The following PRKACG variants were observed in gnomAD, a reference collection of about 807,000 sequenced individuals.
The protein encoded by PRKACG is protein kinase cAMP-activated catalytic subunit gamma.
Under a neutral mutation model 25.6 loss-of-function variants are expected in PRKACG, and 24 were observed. The ratio of observed to expected loss-of-function variants is 0.94; its 90% CI spans 0.68 to 1.32. The LOEUF (loss-of-function observed/expected upper bound fraction) is 1.32. Ranked by LOEUF, PRKACG falls within the 40% of genes most tolerant of loss-of-function variation. PRKACG has a pLI of 0.00. For synonymous variants in PRKACG, 202 were observed against 195.9 expected (o/e 1.03, Z -0.26); for missense variants, 481 against 462.9 (o/e 1.04, Z -0.36).
chr9:69,013,133 T>A lies in PRKACG; in HGVS notation c.960A>T (p.Thr320=). 6.2e-7 allele frequency: 1 copy of A among 1,614,168 alleles called. No homozygotes were observed. Among genetic ancestry groups the A allele is most frequent in the Non-Finnish European group, 8.5e-7 (1 of 1,180,030 alleles). The change falls in exon 1 of 1, where the codon ACA becomes ACT. Residue 320 remains threonine (T), a synonymous_variant. Coordinates refer to ENST00000377276, the MANE Select transcript of PRKACG (RefSeq NM_002732.4). ...CAAAGTTACTGGCATCCCCAGGGCC[T>A]GTGTACTTCGGGATGAAGGGAGCTT... ...KVEAPFIPKY[T]GPGDASNFDD... is the part of the protein sequence containing the mutation.
chr9:69,013,126 C>T lies in PRKACG; in HGVS notation c.967G>A (p.Gly323Arg), dbSNP rs1831291589. The change falls in exon 1 of 1, where the codon GGG becomes AGG. Residue 323 changes from glycine to arginine, a missense_variant. Transcript: ENST00000377276. ...TAGTCGTCAAAGTTACTGGCATCCC[C>T]AGGGCCTGTGTACTTCGGGATGAAG... ...APFIPKYTGP[G>R]DASNFDDYEE... is the part of the protein sequence containing the mutation. 6.2e-7 allele frequency: 1 copy of T among 1,614,050 alleles called. No individual in the cohort carries two copies. The highest frequency in any genetic ancestry group is 8.5e-7 in the Non-Finnish European group (1 of 1,180,052).
rs1436665815 is a variant in PRKACG, at chr9:69,013,623, T to C, written c.470A>G (p.Tyr157Cys). 1.2e-5 allele frequency: 20 copies of C among 1,613,200 alleles called. No individual in the cohort carries two copies. In the Admixed American group the frequency reaches 1.7e-4, roughly 13 times the overall value. Residue 157 changes from tyrosine to cysteine, a missense_variant, in exon 1 of 1, where the codon TAC becomes TGC. Coordinates refer to ENST00000377276, the MANE Select transcript of PRKACG (RefSeq NM_002732.4). ...YAAQVVLAVQ[Y>C]LHSLDLIHRD... ...GTGGATGAGGTCGAGCGAGTGTAGG[T>C]ACTGGACGGCCAGGACGACCTGGGC... is the stretch of plus-strand genomic sequence containing the variant.
rs1320785005 is a variant in PRKACG, at chr9:69,013,436, G to A, written c.657C>T (p.Ala219=). Residue 219 remains alanine, a synonymous_variant, in exon 1 of 1, where the codon GCC becomes GCT. Transcript: ENST00000377276. ...EIILSKGYNK[A]VDWWALGVLI... is the part of the protein sequence containing the mutation. ...GCACCCCTAGGGCCCACCAGTCCACGGCCTTGTTGTAGCCTTTGCTCAGGA... is the reference window on the plus strand; with the variant it reads ...GCACCCCTAGGGCCCACCAGTCCACAGCCTTGTTGTAGCCTTTGCTCAGGA... The A allele has an allele frequency of 1.2e-6, 2 of 1,613,714 alleles. No homozygotes were observed.
Position 69,013,461 on chromosome 9 carries a change from A to T in PRKACG, c.632T>A (p.Ile211Asn), listed in dbSNP as rs1231633254. ...GTPEYLAPEI[I>N]LSKGYNKAVD... is the part of the protein sequence containing the mutation. ...GGCCTTGTTGTAGCCTTTGCTCAGG[A>T]TGATCTCGGGGGCCAGGTACTCTGG... The change falls in exon 1 of 1, where the codon ATC (isoleucine) becomes AAC (asparagine). Residue 211 changes from isoleucine (I) to asparagine (N), a missense_variant. Coordinates refer to ENST00000377276, the MANE Select transcript of PRKACG (RefSeq NM_002732.4). The T allele has an allele frequency of 1.2e-6, 2 of 1,613,820 alleles. No homozygotes were observed. Among genetic ancestry groups the T allele is most frequent in the Middle Eastern group, 1.6e-4 (1 of 6,062 alleles).
At position 69,013,718 on chromosome 9, in the gene PRKACG, C is replaced by G. The variant is rs757369741; in HGVS notation, c.375G>C (p.Pro125=). 1.9e-6 allele frequency: 3 copies of G among 1,614,056 alleles called. No individual in the cohort carries two copies. The highest frequency in any genetic ancestry group is 2.5e-6 in the Non-Finnish European group (3 of 1,179,988). The change falls in exon 1 of 1, where the codon CCG becomes CCC. Residue 125 remains proline (P), a synonymous_variant. Coordinates refer to ENST00000377276, the MANE Select transcript of PRKACG (RefSeq NM_002732.4). ...GTAGGCGGGAGAACATCTCCCCACC[C>G]GGCACGTACTCCATCACCAGGTACA... ...SYLYLVMEYV[P]GGEMFSRLQR...
chr9:69,013,492 C>T lies in PRKACG; in HGVS notation c.601G>A (p.Gly201Arg). The T allele has an allele frequency of 6.2e-7, 1 of 1,614,012 alleles. No individual in the cohort carries two copies. Among genetic ancestry groups the T allele is most frequent in the Non-Finnish European group, 8.5e-7 (1 of 1,180,018 alleles). Residue 201 changes from glycine (G) to arginine (R), a missense_variant, in exon 1 of 1, where the codon GGG becomes AGG. Coordinates refer to ENST00000377276, the MANE Select transcript of PRKACG (RefSeq NM_002732.4). The stretch of plus-strand genomic sequence containing the variant: ...TCGGGGGCCAGGTACTCTGGGGTCC[C>T]GCACAAGGTCCAAGTGCGGCCCTTC... ...RVKGRTWTLC[G>R]TPEYLAPEII...
Position 69,012,842 on chromosome 9 carries a change from G to GT in PRKACG, c.*194_*195insA, listed in dbSNP as rs910398907. 5.0e-6 allele frequency: 3 copies of GT among 594,332 alleles called. No individual in the cohort carries two copies. The highest frequency in any genetic ancestry group is 2.2e-5 in the South Asian group (1 of 46,374). The allele number at this position is 594,332 out of a possible 1,614,324, so 36.8% of individuals were successfully genotyped here. On this transcript the variant is annotated 3_prime_UTR_variant, in exon 1 of 1. Coordinates refer to ENST00000377276, the MANE Select transcript of PRKACG (RefSeq NM_002732.4). Reference sequence around the variant, plus strand: ...AGAGGGACCAGGAAGGCATGGGGGGGGGTGAGGGAGCAGCTGGTGTTTCTG... The same window carrying GT: ...AGAGGGACCAGGAAGGCATGGGGGGGTGGTGAGGGAGCAGCTGGTGTTTCTG...
Position 69,013,516 on chromosome 9 carries a change from T to A in PRKACG, c.577A>T (p.Lys193Ter). 1 of 1,613,998 alleles carries A rather than the reference T, an allele frequency of 6.2e-7. No individual in the cohort carries two copies. The change falls in exon 1 of 1, where the codon AAG becomes TAG. Residue 193 changes from lysine (K) to a stop codon, truncating the protein, a stop_gained. Transcript: ENST00000377276. LOFTEE classifies it high-confidence loss of function. ...CCGCACAAGGTCCAAGTGCGGCCCT[T>A]CACGCGCTTGGCGAAACCGAAGTCC... ...VTDFGFAKRVKGRTWTLCGTP... is the reference protein window; with the variant it reads ...VTDFGFAKRV
At position 69,013,495 on chromosome 9, in the gene PRKACG, A is replaced by G. The variant is rs145037702; in HGVS notation, c.598T>C (p.Cys200Arg). Residue 200 changes from cysteine (C) to arginine (R), a missense_variant, in exon 1 of 1, where the codon TGC (cysteine) becomes CGC (arginine). Coordinates refer to ENST00000377276, the MANE Select transcript of PRKACG (RefSeq NM_002732.4). ...GGGGCCAGGTACTCTGGGGTCCCGCACAAGGTCCAAGTGCGGCCCTTCACG... is the reference window on the plus strand; with the variant it reads ...GGGGCCAGGTACTCTGGGGTCCCGCGCAAGGTCCAAGTGCGGCCCTTCACG... ...KRVKGRTWTL[C>R]GTPEYLAPEI... The G allele has an allele frequency of 5.5e-5, 89 of 1,613,982 alleles. No homozygotes were observed. Among genetic ancestry groups the G allele is most frequent in the Non-Finnish European group, 7.5e-5 (89 of 1,179,998 alleles).
Position 69,013,417 on chromosome 9 carries a change from C to T in PRKACG, c.676G>A (p.Gly226Arg). 1 of 1,613,610 alleles carries T rather than the reference C, an allele frequency of 6.2e-7. No individual in the cohort carries two copies. The highest frequency in any genetic ancestry group is 1.1e-5 in the South Asian group (1 of 91,064). ...ACGGCCATCTCATAGATGAGCACCC[C>T]TAGGGCCCACCAGTCCACGGCCTTG... ...YNKAVDWWAL[G>R]VLIYEMAVGF... The change falls in exon 1 of 1, where the codon GGG becomes AGG. Residue 226 changes from glycine (G) to arginine (R), a missense_variant. Coordinates refer to ENST00000377276, the MANE Select transcript of PRKACG (RefSeq NM_002732.4).
rs765724547 is a variant in PRKACG at position 69,013,380 on chromosome 9, G to T, written c.713C>A (p.Pro238His). The T allele has an allele frequency of 2.5e-6, 4 of 1,613,628 alleles. No individual in the cohort carries two copies. Among genetic ancestry groups the T allele is most frequent in the Non-Finnish European group, 3.4e-6 (4 of 1,180,018 alleles). ...LIYEMAVGFP[P>H]FYADQPIQIY... ...CTGGATGGGCTGGTCGGCGTAGAAG[G>T]GTGGGAAGCCCACGGCCATCTCATA... Residue 238 changes from proline to histidine, a missense_variant, in exon 1 of 1, where the codon CCC becomes CAC. Coordinates refer to ENST00000377276, the MANE Select transcript of PRKACG (RefSeq NM_002732.4).
At position 69,012,889 on chromosome 9, in the gene PRKACG, C is replaced by T. The variant is rs1423817825; in HGVS notation, c.*148G>A. On this transcript the variant is annotated 3_prime_UTR_variant, in exon 1 of 1. Coordinates refer to ENST00000377276, the MANE Select transcript of PRKACG (RefSeq NM_002732.4). ...TCTGTTCCTCCAAATATCTGGGCTTCCTGCTCCCCCAACCCTGGAGGGTGG... is the reference window on the plus strand; with the variant it reads ...TCTGTTCCTCCAAATATCTGGGCTTTCTGCTCCCCCAACCCTGGAGGGTGG... The T allele has an allele frequency of 9.4e-6, 7 of 743,244 alleles. No individual in the cohort carries two copies. In the Admixed American group the frequency reaches 1.5e-4, roughly 16 times the overall value. 46.0% of individuals were successfully genotyped at this position (743,244 alleles called of 1,614,324 possible). A position where few individuals can be genotyped will look rare whatever the true frequency, so the allele number is the denominator to read the frequency against.
In PRKACG at chr9:69,012,533, T is replaced by C. The variant is rs1011251340; in HGVS notation, c.*504A>G. The C allele has an allele frequency of 1.3e-5, 2 of 154,184 alleles. No homozygotes were observed. Among genetic ancestry groups the C allele is most frequent in the Non-Finnish European group, 1.4e-5 (1 of 69,354 alleles). The allele number at this position is 154,184 out of a possible 1,614,324, so 9.6% of individuals were successfully genotyped here. Reference sequence around the variant, plus strand: ...ACTTAAATAAGATTTTAATTGTTTTTTGTTTTAATTTTTTATTCTAGCAAA... The same window carrying C: ...ACTTAAATAAGATTTTAATTGTTTTCTGTTTTAATTTTTTATTCTAGCAAA... On this transcript the variant is annotated 3_prime_UTR_variant, in exon 1 of 1. Coordinates refer to ENST00000377276, the MANE Select transcript of PRKACG (RefSeq NM_002732.4).
At position 69,013,839 on chromosome 9, in the gene PRKACG, T is replaced by A. The variant is rs554668061; in HGVS notation, c.254A>T (p.Gln85Leu). ...CTTCTCGTTCAGTATGTGCTCGACC[T>A]GCTTCATCTTCACCACCTTCTGCTT... ...LNKQKVVKMKQVEHILNEKRI... is the reference protein window; with the variant it reads ...LNKQKVVKMKLVEHILNEKRI... Residue 85 changes from glutamine (Q) to leucine (L), a missense_variant, in exon 1 of 1, where the codon CAG (glutamine) becomes CTG (leucine). Coordinates refer to ENST00000377276, the MANE Select transcript of PRKACG (RefSeq NM_002732.4). The A allele has an allele frequency of 1.2e-6, 2 of 1,613,800 alleles. No individual in the cohort carries two copies. The highest frequency in any genetic ancestry group is 2.2e-5 in the South Asian group (2 of 91,066).
chr9:69,013,120 C>T lies in PRKACG; in HGVS notation c.973G>A (p.Ala325Thr), dbSNP rs536396229. The T allele has an allele frequency of 2.5e-6, 4 of 1,614,222 alleles. No individual in the cohort carries two copies. The African/African-American group carries it at 5.3e-5, about 22-fold the overall frequency. Residue 325 changes from alanine to threonine, a missense_variant, in exon 1 of 1, where the codon GCC (alanine) becomes ACC (threonine). Transcript: ENST00000377276. ...TCCTCGTAGTCGTCAAAGTTACTGG[C>T]ATCCCCAGGGCCTGTGTACTTCGGG... is the stretch of plus-strand genomic sequence containing the variant. Reference protein sequence around the residue: ...FIPKYTGPGDASNFDDYEEEE... With the variant: ...FIPKYTGPGDTSNFDDYEEEE...
rs549436164 is a variant in PRKACG, at chr9:69,012,836, G to T, written c.*201C>A. The T allele has an allele frequency of 3.1e-4, 161 of 519,462 alleles. No individual in the cohort carries two copies. The South Asian group carries it at 3.6e-3, about 11-fold the overall frequency. 32.2% of individuals were successfully genotyped at this position (519,462 alleles called of 1,614,324 possible). ...AAGCACAGAGGGACCAGGAAGGCATGGGGGGGGGTGAGGGAGCAGCTGGTG... is the reference window on the plus strand; with the variant it reads ...AAGCACAGAGGGACCAGGAAGGCATTGGGGGGGGTGAGGGAGCAGCTGGTG... On this transcript the variant is annotated 3_prime_UTR_variant, in exon 1 of 1. Transcript: ENST00000377276.
At position 69,013,687 on chromosome 9, in the gene PRKACG, C is replaced by G. The variant is rs762385596; in HGVS notation, c.406G>C (p.Val136Leu). Residue 136 changes from valine (V) to leucine (L), a missense_variant, in exon 1 of 1, where the codon GTC (valine) becomes CTC (leucine). By Grantham distance (32) the Val-to-Leu change is conservative. Coordinates refer to ENST00000377276, the MANE Select transcript of PRKACG (RefSeq NM_002732.4). ...GCATGGGGCTCGCTAAACCTTCCGA[C>G]GCGCTGTAGGCGGGAGAACATCTCC... ...GGEMFSRLQR[V>L]GRFSEPHACF... The G allele has an allele frequency of 1.9e-6, 3 of 1,614,086 alleles. No homozygotes were observed. In the Admixed American group the frequency reaches 5.0e-5, roughly 27 times the overall value.
chr9:69,013,457 C>G lies in PRKACG; in HGVS notation c.636G>C (p.Leu212=). 1 of 1,613,898 alleles carries G rather than the reference C, an allele frequency of 6.2e-7. No homozygotes were observed. ...TPEYLAPEII[L]SKGYNKAVDW... ...CCACGGCCTTGTTGTAGCCTTTGCT[C>G]AGGATGATCTCGGGGGCCAGGTACT... Residue 212 remains leucine (L), a synonymous_variant, in exon 1 of 1, where the codon CTG becomes CTC. Transcript: ENST00000377276.
rs201750972 is a variant in PRKACG, at chr9:69,013,173, T to C, written c.920A>G (p.Tyr307Cys). The change falls in exon 1 of 1, where the codon TAT becomes TGT. Residue 307 changes from tyrosine (Y) to cysteine (C), a missense_variant. Coordinates refer to ENST00000377276, the MANE Select transcript of PRKACG (RefSeq NM_002732.4). ...WFATTSWIAIYEKKVEAPFIP... is the reference protein window; with the variant it reads ...WFATTSWIAICEKKVEAPFIP... ...GAAGGGAGCTTCCACCTTCTTCTCATAGATGGCGATCCAGCTGGTTGTGGC... is the reference window on the plus strand; with the variant it reads ...GAAGGGAGCTTCCACCTTCTTCTCACAGATGGCGATCCAGCTGGTTGTGGC... The C allele has an allele frequency of 3.5e-5, 57 of 1,614,186 alleles. 1 individual carries two copies. In the South Asian group the frequency reaches 5.3e-4, roughly 15 times the overall value.
Sources: gnomAD v4.1 joint callset for allele counts on GRCh38, gnomAD v4.1.1 for gene constraint, MANE v1.5 for transcripts, NCBI Gene and HGNC (gene_info 2026-07-23, HGNC 2026-07-21) for gene names.